Variants in PPFIA2 observed in about 807,000 individuals in gnomAD.
PPFIA2 encodes the protein PPFI scaffold protein A2.
A neutral mutation model predicts 175.5 loss-of-function variants in PPFIA2; 46 were observed. That is an observed-to-expected ratio of 0.26 (90% confidence interval 0.21 to 0.34). The LOEUF is 0.34. Ranked by LOEUF, PPFIA2 falls within the 10% of genes least tolerant of loss-of-function variation. The probability of loss-of-function intolerance (pLI) is 1.00; values close to 1 mark genes in which losing one functional copy is unlikely to be tolerated. For synonymous variants in PPFIA2, 568 were observed against 511.4 expected (o/e 1.11, Z -1.49); for missense variants, 1,179 against 1,506.1 (o/e 0.78, Z 3.60).
At chr12:81,644,120 CTATAAAAATAAT>C (rs1215223006) in intron 4 of PPFIA2, among the ~76,000 whole-genome samples, 15 of 151,902 alleles carry the variant, frequency 9.9e-5, no homozygotes, top group Admixed American at 8.5e-4. Context: ...CAGAAAGATT[CTATAAAAATAAT>C]CATTTTTAAG....
At chr12:81,315,108 C>G (rs569788944) in intron 22 of PPFIA2, among the ~76,000 whole-genome samples, 28 of 151,770 alleles carry the variant, frequency 1.8e-4, no homozygotes, top group Non-Finnish European at 5.9e-5. Context: ...CTCTGTCTCT[C>G]TGTCTCTCTA....
intron 3 of PPFIA2, among the ~76,000 whole-genome samples, chr12:81,730,829 TA>T (rs1246509144): frequency 1.3e-5 from 2 of 151,660 alleles, no homozygotes; most frequent in East Asian, 3.9e-4. Flanking sequence ...TTAATCTAAC[TA>T]CAGGGTAATA....
At chr12:81,584,036 A>T (rs2074815428) in intron 4 of PPFIA2, among the ~76,000 whole-genome samples, 1 of 151,942 alleles carries the variant, frequency 6.6e-6, no homozygotes, top group Non-Finnish European at 1.5e-5. Context: ...CTTTTAGCAC[A>T]ATATAACTGC....
At chr12:81,496,374 C>A (rs988031780) in intron 4 of PPFIA2, among the ~76,000 whole-genome samples, 1 of 151,940 alleles carries the variant, frequency 6.6e-6, no homozygotes, top group Non-Finnish European at 1.5e-5. Context: ...CAGAAAATTG[C>A]CAATATATTA....
At chr12:81,392,030 T>C (rs752510613) in intron 8 of PPFIA2, among the ~76,000 whole-genome samples, 2 of 152,028 alleles carry the variant, frequency 1.3e-5, no homozygotes, top group Non-Finnish European at 2.9e-5. Flanking sequence ...AGGAGTGACA[T>C]GATTTCACTT....
At chr12:81,620,451 T>C (rs919436262) in intron 4 of PPFIA2, among the ~76,000 whole-genome samples, 1 of 152,100 alleles carries the variant, frequency 6.6e-6, no homozygotes, top group African/African-American at 2.4e-5. Context: ...TGTATTTTGG[T>C]AATTAAACTA....
chr12:81,488,776 C>T (rs919621421), intron 4 of PPFIA2, among the ~76,000 whole-genome samples: 5 of 151,654 alleles, frequency 3.3e-5, no homozygotes, highest in Non-Finnish European at 5.9e-5. Context: ...ATTTATGGGG[C>T]TATAATTTTT....
At chr12:81,473,281 C>T (rs774800403) in intron 4 of PPFIA2, among the ~76,000 whole-genome samples, 15 of 151,830 alleles carry the variant, frequency 9.9e-5, no homozygotes, top group South Asian at 8.3e-4. Flanking sequence ...GATGTGGGGG[C>T]GCCTGTAATC....
rs866467399 is a variant in PPFIA2, at chr12:81,608,580, T to C, written c.303+68211A>G. Among the ~76,000 whole-genome samples, 17 of 152,234 alleles carry C rather than the reference T, an allele frequency of 1.1e-4. 2 individuals are homozygous for C. The highest frequency in any genetic ancestry group is 3.4e-3 in the Middle Eastern group (1 of 294). On this transcript the variant is annotated intron_variant, in intron 4 of 32. Coordinates refer to ENST00000549396, the MANE Select transcript of PPFIA2 (RefSeq NM_003625.5). ...TTCTAGATTTTAAAATTTGTGTGCA[T>C]AGAGTTGCTTGTAATACTCTCCGAG...
At chr12:81,407,210 C>T (rs2043088923) in intron 7 of PPFIA2, among the ~76,000 whole-genome samples, 3 of 152,246 alleles carry the variant, frequency 2.0e-5, no homozygotes, top group Admixed American at 1.3e-4. Context: ...TTTGGCCCAG[C>T]GCGGCAGCTC....
At chr12:81,418,063 C>T (rs1239508717) in intron 7 of PPFIA2, among the ~76,000 whole-genome samples, 1 of 151,806 alleles carries the variant, frequency 6.6e-6, no homozygotes, top group Non-Finnish European at 1.5e-5. Context: ...TAATTTAAAA[C>T]TCACAACATC....
chr12:81,702,753 T>A (rs2076646124), intron 3 of PPFIA2, among the ~76,000 whole-genome samples: 1 of 152,108 alleles, frequency 6.6e-6, no homozygotes. Context: ...CCCAATGCGA[T>A]CATATTAGAA....
chr12:81,439,974 C>G lies in PPFIA2; in HGVS notation c.643G>C (p.Glu215Gln). 3.1e-6 allele frequency: 5 copies of G among 1,607,734 alleles called. No individual in the cohort carries two copies. The South Asian group carries it at 4.4e-5, about 14-fold the overall frequency. Residue 215 changes from glutamate to glutamine, a missense_variant and splice_region_variant, in exon 7 of 33, where the codon GAG becomes CAG. Around this residue, in one of 10 missense-constraint regions of PPFIA2, gnomAD observed 49 missense variants for 108.9 expected, o/e 0.45. Transcript: ENST00000549396. ...LEEELAAANQ[E>Q]IVALREQNVH... ...GAGGAGAAAGTGTGGCAGGTTACCTCCTGATTAGCAGCAGCTAGTTCTTCT... is the reference window on the plus strand; with the variant it reads ...GAGGAGAAAGTGTGGCAGGTTACCTGCTGATTAGCAGCAGCTAGTTCTTCT...
At position 81,263,379 on chromosome 12, in the gene PPFIA2, C is replaced by T; in HGVS notation, c.3567G>A (p.Lys1189=). ...TCCAGGTTGATCCACGTCTGAAGTTCTTGTCATCACTCTGCCAGTACAGTT... is the reference window on the plus strand; with the variant it reads ...TCCAGGTTGATCCACGTCTGAAGTTTTTGTCATCACTCTGCCAGTACAGTT... ...TERRLDESDD[K]NFRRGSTWRR... The change falls in exon 31 of 33, where the codon AAG becomes AAA. Residue 1189 remains lysine, a synonymous_variant. Coordinates refer to ENST00000549396, the MANE Select transcript of PPFIA2 (RefSeq NM_003625.5). 1 of 1,612,878 alleles carries T rather than the reference C, an allele frequency of 6.2e-7. No homozygotes were observed. The highest frequency in any genetic ancestry group is 1.1e-5 in the South Asian group (1 of 91,028).
chr12:81,628,231 G>A (rs1013850490), intron 4 of PPFIA2, among the ~76,000 whole-genome samples: 5 of 152,000 alleles, frequency 3.3e-5, no homozygotes, highest in African/African-American at 1.2e-4. Context: ...CATCAAAGAT[G>A]GATTAAGTAA....
rs551419565 is a variant in PPFIA2, at chr12:81,567,355, G to A, written c.303+109436C>T. On this transcript the variant is annotated intron_variant, in intron 4 of 32. Transcript: ENST00000549396. Reference sequence around the variant, plus strand: ...TGATCCACTGCGCCCGGCCAGGAGAGACTTTCTAGACCCTTATAATTGATA... The same window carrying A: ...TGATCCACTGCGCCCGGCCAGGAGAAACTTTCTAGACCCTTATAATTGATA... 4.6e-5 allele frequency among the ~76,000 whole-genome samples: 7 copies of A among 152,212 alleles called. No individual in the cohort carries two copies. In the South Asian group the frequency reaches 1.5e-3, roughly 32 times the overall value.
intron 3 of PPFIA2, among the ~76,000 whole-genome samples, chr12:81,686,919 C>T (rs116402898): frequency 0.012 from 1,828 of 151,970 alleles, 34 homozygotes; most frequent in African/African-American, 0.037. Flanking sequence ...TTCCTTTTTC[C>T]ACTCTCACTT....
intron 3 of PPFIA2, among the ~76,000 whole-genome samples, chr12:81,741,820 A>G: frequency 6.6e-6 from 1 of 152,204 alleles, no homozygotes; most frequent in East Asian, 1.9e-4. Flanking sequence ...AATAAAATAT[A>G]CACTATACTA....
chr12:81,612,344 A>G (rs2061010467), intron 4 of PPFIA2, among the ~76,000 whole-genome samples: 1 of 152,126 alleles, frequency 6.6e-6, no homozygotes, highest in African/African-American at 2.4e-5. Context: ...TTGAGGAGCT[A>G]TGATGTGCCA....
Sources: allele counts gnomAD v4.1 joint callset (sites outside exome capture counted in the v4.1 genomes callset), GRCh38; gene constraint gnomAD v4.1.1; regional missense constraint gnomAD v4.1.1; transcripts MANE v1.5; gene names NCBI Gene and HGNC (gene_info 2026-07-23, HGNC 2026-07-21).